Variants in TRIM9 observed in about 807,000 individuals in gnomAD.
TRIM9 encodes tripartite motif containing 9.
In TRIM9, 26 loss-of-function variants were observed where a neutral mutation model predicts 78.3. The observed-to-expected ratio is 0.33, with a 90% CI of 0.24 to 0.46. The LOEUF (loss-of-function observed/expected upper bound fraction) is 0.46, where lower values mean the gene tolerates loss of function less well. Ranked by LOEUF, TRIM9 falls within the 20% of genes least tolerant of loss-of-function variation. The probability of loss-of-function intolerance (pLI) is 1.00; values close to 1 mark genes in which losing one functional copy is unlikely to be tolerated. For synonymous variants in TRIM9, 398 were observed against 416.5 expected, an observed-to-expected ratio of 0.96 and a Z score of 0.54; for missense variants, 787 against 1,036.4, an observed-to-expected ratio of 0.76 and a Z score of 3.30.
chr14:51,055,331 T>C (rs919954534), intron 1 of TRIM9, among the ~76,000 whole-genome samples: 7 of 152,324 alleles, frequency 4.6e-5, no homozygotes, highest in Non-Finnish European at 7.3e-5. Context: ...ATTGCAAATA[T>C]TATAAAATGT....
intron 1 of TRIM9, among the ~76,000 whole-genome samples, chr14:51,043,362 G>C (rs2059707959): frequency 6.6e-6 from 1 of 152,204 alleles, no homozygotes; most frequent in African/African-American, 2.4e-5. Flanking sequence ...GGTCGGCGGG[G>C]AATAGTGGGA....
At chr14:51,060,118 C>T (rs1158212389) in intron 1 of TRIM9, among the ~76,000 whole-genome samples, 1 of 152,192 alleles carries the variant, frequency 6.6e-6, no homozygotes, top group Non-Finnish European at 1.5e-5. Context: ...GGCTTTCTAG[C>T]TTTCTGTTGT....
intron 6 of TRIM9, among the ~76,000 whole-genome samples, chr14:51,000,059 A>C (rs1207406828): frequency 6.6e-6 from 1 of 152,156 alleles, no homozygotes; most frequent in East Asian, 1.9e-4. Context: ...CCAGAACAAA[A>C]CTATAGAACT....
At chr14:50,999,766 G>T (rs17802253) in intron 6 of TRIM9, among the ~76,000 whole-genome samples, 31,300 of 152,034 alleles carry the variant, frequency 0.21, 3,511 homozygotes, top group Non-Finnish European at 0.26. Flanking sequence ...CCCTTAGGAA[G>T]CTCCAAGCAT....
At chr14:51,019,956 G>T (rs1353671051) in intron 3 of TRIM9, among the ~76,000 whole-genome samples, 1 of 152,182 alleles carries the variant, frequency 6.6e-6, no homozygotes, top group Admixed American at 6.5e-5. Flanking sequence ...GACATGAGTA[G>T]ATTATAAAGA....
At chr14:51,094,031 G>T in intron 1 of TRIM9, 87 bp downstream of exon 1, 1 of 1,376,260 alleles carries the variant, frequency 7.3e-7, no homozygotes, top group Non-Finnish European at 1.0e-6. Flanking sequence ...ACTGGGATGC[G>T]CTGTGCGCAA....
At chr14:51,057,499 T>G (rs966763293) in intron 1 of TRIM9, among the ~76,000 whole-genome samples, 1 of 152,214 alleles carries the variant, frequency 6.6e-6, no homozygotes, top group African/African-American at 2.4e-5. Context: ...TCTTTTATAT[T>G]GTATCTGCTA....
At chr14:51,081,094 T>A (rs921819813) in intron 1 of TRIM9, among the ~76,000 whole-genome samples, 1 of 152,202 alleles carries the variant, frequency 6.6e-6, no homozygotes, top group Non-Finnish European at 1.5e-5. Flanking sequence ...CACACCTATG[T>A]CTCTTCCATT....
intron 3 of TRIM9, among the ~76,000 whole-genome samples, chr14:51,015,090 C>T (rs1341536564): frequency 1.3e-5 from 2 of 152,162 alleles, no homozygotes; most frequent in Non-Finnish European, 2.9e-5. Context: ...ATCATTTGAA[C>T]AGTTTTATTT....
intron 1 of TRIM9, among the ~76,000 whole-genome samples, chr14:51,073,946 G>A (rs2062530209): frequency 6.6e-6 from 1 of 152,156 alleles, no homozygotes; most frequent in African/African-American, 2.4e-5. Flanking sequence ...GGCTTGTACT[G>A]ACTTCCAAAC....
chr14:51,001,163 C>T (rs557970149), intron 5 of TRIM9, among the ~76,000 whole-genome samples: 1 of 152,152 alleles, frequency 6.6e-6, no homozygotes, highest in South Asian at 2.1e-4. Context: ...TACATGGAGG[C>T]TGGGGTTCCA....
chr14:51,014,358 A>C, intron 3 of TRIM9, among the ~76,000 whole-genome samples: 1 of 152,144 alleles, frequency 6.6e-6, no homozygotes, highest in East Asian at 1.9e-4. Flanking sequence ...CCTGCATTCT[A>C]TGACTCAAGC....
chr14:51,015,705 G>C (rs999562570), intron 3 of TRIM9, among the ~76,000 whole-genome samples: 2 of 150,780 alleles, frequency 1.3e-5, no homozygotes, highest in Non-Finnish European at 3.0e-5. Context: ...GTAGAGATGG[G>C]GTTTCACCAT....
intron 1 of TRIM9, among the ~76,000 whole-genome samples, chr14:51,031,147 CAAAAA>C (rs1210514761): frequency 5.0e-5 from 5 of 100,770 alleles, no homozygotes; most frequent in Admixed American, 1.1e-4. Flanking sequence ...AAACTCTTTC[CAAAAA>C]AAAAAAAAAA....
chr14:51,042,386 C>T (rs1316349436), intron 1 of TRIM9, among the ~76,000 whole-genome samples: 1 of 152,234 alleles, frequency 6.6e-6, no homozygotes, highest in Non-Finnish European at 1.5e-5. Flanking sequence ...AAACCTGTCA[C>T]TTAAGAATGA....
At chr14:51,001,520 C>T (rs2055042708) in intron 5 of TRIM9, among the ~76,000 whole-genome samples, 1 of 152,100 alleles carries the variant, frequency 6.6e-6, no homozygotes, top group Non-Finnish European at 1.5e-5. Flanking sequence ...TGAGCCACCG[C>T]GCCCGGCCGC....
rs552982416 is a variant in TRIM9, at chr14:50,995,375, C to T, written c.1603+2675G>A. On this transcript the variant is annotated intron_variant, in intron 7 of 12. Transcript: ENST00000684578. ...GTAAACTCCAGGACAGTAGGGATAA[C>T]GTCTGTTCAACACTCTATACCCACA... Among the ~76,000 whole-genome samples the T allele has an allele frequency of 2.6e-5, 4 of 152,246 alleles. No homozygotes were observed. The South Asian group carries it at 6.2e-4, about 24-fold the overall frequency.
chr14:50,979,288 C>T (rs1179268984), intron 12 of TRIM9, 99 bp downstream of exon 12: 4 of 1,601,302 alleles, frequency 2.5e-6, no homozygotes, highest in Non-Finnish European at 3.4e-6. Flanking sequence ...GGGCCTTACG[C>T]TGTCAGCTTC....
chr14:50,993,450 C>T (rs1331347351), intron 7 of TRIM9, among the ~76,000 whole-genome samples: 1 of 151,756 alleles, frequency 6.6e-6, no homozygotes, highest in East Asian at 1.9e-4. Flanking sequence ...CTCACCGCAA[C>T]CTCTGCCTCC....
Sources: gnomAD v4.1 joint callset for allele counts (sites outside exome capture counted in the v4.1 genomes callset) on GRCh38, gnomAD v4.1.1 for gene constraint, MANE v1.5 for transcripts, NCBI Gene and HGNC (gene_info 2026-07-23, HGNC 2026-07-21) for gene names.